The following RBPJ variants were observed in gnomAD, a reference collection of about 807,000 sequenced individuals.
RBPJ encodes the protein recombining binding protein suppressor of hairless.
RBPJ carries 9 observed loss-of-function variants against 67.8 expected under a neutral mutation model. The observed-to-expected ratio is 0.13, with a 90% CI of 0.08 to 0.23. RBPJ has a LOEUF of 0.23. RBPJ is among the 10% of genes least tolerant of loss of function. The pLI, the probability that RBPJ is intolerant of heterozygous loss-of-function variation, is 1.00. For synonymous variants in RBPJ, 198 were observed against 203.3 expected (o/e 0.97, Z 0.22); for missense variants, 305 against 595.6 (o/e 0.51, Z 5.08).
intron 1 of RBPJ, among the ~76,000 whole-genome samples, chr4:26,292,490 G>A (rs936553939): frequency 3.3e-5 from 5 of 149,940 alleles, no homozygotes; most frequent in Non-Finnish European, 3.0e-5. Flanking sequence ...GCACAATCTC[G>A]GCTCACTGCA....
chr4:26,320,363 G>A (rs1232382365), upstream of RBPJ, among the ~76,000 whole-genome samples: 1 of 152,194 alleles, frequency 6.6e-6, no homozygotes, highest in Non-Finnish European at 1.5e-5. Flanking sequence ...CGCTTGAGGA[G>A]CTCTGGAAGG....
chr4:26,427,409 A>G (rs373913866), intron 7 of RBPJ, among the ~76,000 whole-genome samples: 1 of 152,226 alleles, frequency 6.6e-6, no homozygotes, highest in African/African-American at 2.4e-5. Flanking sequence ...AAGTGTACAT[A>G]CAAGTTGAAT....
chr4:26,254,011 A>G (rs1302402371), intron 1 of RBPJ, among the ~76,000 whole-genome samples: 1 of 148,808 alleles, frequency 6.7e-6, no homozygotes, highest in African/African-American at 2.6e-5. Context: ...TTTCCTTCAC[A>G]TTATTAATAA....
At chr4:26,315,144 CAAAAAAAA>C (rs60940172), upstream of RBPJ, among the ~76,000 whole-genome samples, 2 of 10,356 alleles carry the variant, frequency 1.9e-4, no homozygotes, top group Admixed American at 2.4e-3. Flanking sequence ...GTCTCTGTCT[CAAAAAAAA>C]AAAAAAAAAA....
chr4:26,162,069 A>T (rs1049829736), upstream of RBPJ, among the ~76,000 whole-genome samples: 3 of 152,232 alleles, frequency 2.0e-5, no homozygotes, highest in Non-Finnish European at 4.4e-5. Flanking sequence ...TCTGCCAACA[A>T]GCAAGGAGGT....
intron 1 of RBPJ, among the ~76,000 whole-genome samples, chr4:26,196,925 C>G (rs1217496778): frequency 6.6e-6 from 1 of 152,104 alleles, no homozygotes; most frequent in Non-Finnish European, 1.5e-5. Flanking sequence ...AGCGGATTTC[C>G]TTGGATCATA....
intron 1 of RBPJ, among the ~76,000 whole-genome samples, chr4:26,235,135 C>A (rs1314525911): frequency 6.6e-6 from 1 of 152,088 alleles, no homozygotes; most frequent in African/African-American, 2.4e-5. Flanking sequence ...CAAAAAAAAA[C>A]CTTGCTTAAT....
At chr4:26,111,200 GC>G in the RBPJ span, among the ~76,000 whole-genome samples, 18,187 of 151,920 alleles carry the variant, frequency 0.12, 1,193 homozygotes, top group Middle Eastern at 0.19. Context: ...GATTGGCCCA[GC>G]CCCCCTCCTT....
intron 4 of RBPJ, among the ~76,000 whole-genome samples, chr4:26,420,168 T>C (rs1734983406): frequency 9.4e-6 from 1 of 105,848 alleles, no homozygotes; most frequent in Admixed American, 1.1e-4. Flanking sequence ...AGCTTTATTA[T>C]TATTTTTTTT....
At chr4:26,108,264 GAACCCTCCCACGAGGTGGGAGAA>G in the RBPJ span, among the ~76,000 whole-genome samples, 6 of 152,170 alleles carry the variant, frequency 3.9e-5, no homozygotes, top group African/African-American at 7.2e-5. Flanking sequence ...AATTCTCCTT[GAACCCTCCCACGAGGTGGGAGAA>G]AATTGCAGAG....
At chr4:26,284,051 T>C (rs1255800234) in intron 1 of RBPJ, among the ~76,000 whole-genome samples, 1 of 152,188 alleles carries the variant, frequency 6.6e-6, no homozygotes, top group African/African-American at 2.4e-5. Context: ...TTTCTTACAA[T>C]ATCCAAAATA....
At chr4:26,380,298 G>T (rs946303275) in intron 1 of RBPJ, among the ~76,000 whole-genome samples, 1 of 152,092 alleles carries the variant, frequency 6.6e-6, no homozygotes, top group Admixed American at 6.6e-5. Flanking sequence ...CTACATCGTT[G>T]TTCATTTGTT....
intron 1 of RBPJ, among the ~76,000 whole-genome samples, chr4:26,226,293 T>C (rs1022988446): frequency 6.6e-6 from 1 of 152,024 alleles, no homozygotes; most frequent in African/African-American, 2.4e-5. Flanking sequence ...AGCAAGACCC[T>C]GTCTCTACAA....
At chr4:26,177,687 A>C (rs567257073) in intron 1 of RBPJ, among the ~76,000 whole-genome samples, 1 of 152,302 alleles carries the variant, frequency 6.6e-6, no homozygotes, top group African/African-American at 2.4e-5. Context: ...CCAATCCATC[A>C]CCACTAAGAA....
At chr4:26,153,598 TAGTAAC>T in the RBPJ span, among the ~76,000 whole-genome samples, 1 of 152,196 alleles carries the variant, frequency 6.6e-6, no homozygotes, top group African/African-American at 2.4e-5. Context: ...TCACTGGCCT[TAGTAAC>T]AGTGGTTTTT....
intron 1 of RBPJ, among the ~76,000 whole-genome samples, chr4:26,270,405 GAAAGAAAGAAAGAAAGAA>G (rs1720859412): frequency 8.5e-5 from 5 of 58,842 alleles, no homozygotes; most frequent in Admixed American, 2.3e-4. Context: ...AAGAAAGAAA[GAAAGAAAGAAAGAAAGAA>G]AGAAAGAAAG....
At chr4:26,263,665 G>A (rs1328266957) in intron 1 of RBPJ, among the ~76,000 whole-genome samples, 4 of 151,724 alleles carry the variant, frequency 2.6e-5, no homozygotes, top group Admixed American at 6.6e-5. Flanking sequence ...TCCACTTCCC[G>A]GATTAGAGCA....
At chr4:26,108,188 G>C in the RBPJ span, among the ~76,000 whole-genome samples, 1 of 152,152 alleles carries the variant, frequency 6.6e-6, no homozygotes, top group Non-Finnish European at 1.5e-5. Flanking sequence ...GGTAGAGAGG[G>C]TTTATTTGGA....
intron 1 of RBPJ, among the ~76,000 whole-genome samples, chr4:26,378,987 C>T (rs1206007202): frequency 2.0e-5 from 3 of 152,092 alleles, no homozygotes; most frequent in South Asian, 2.1e-4. Context: ...GATTGTGCCA[C>T]TGCACTCTAG....
Sources: gnomAD v4.1 joint callset for allele counts (sites outside exome capture counted in the v4.1 genomes callset) on GRCh38, gnomAD v4.1.1 for gene constraint, MANE v1.5 for transcripts, NCBI Gene and HGNC (gene_info 2026-07-23, HGNC 2026-07-21) for gene names.